ASXL3: variants seen among roughly 807,000 people sequenced by gnomAD.
ASXL3 encodes ASXL transcriptional regulator 3.
ASXL3 carries 34 observed loss-of-function variants against 170.6 expected under a neutral mutation model. That is an observed-to-expected ratio of 0.20 (90% CI 0.15 to 0.27). The LOEUF is 0.27. ASXL3 is among the 10% of genes least tolerant of loss of function. The probability of loss-of-function intolerance (pLI) is 1.00; values close to 1 mark genes in which losing one functional copy is unlikely to be tolerated. For synonymous variants in ASXL3, 1,002 were observed against 989.1 expected, an observed-to-expected ratio of 1.01 and a Z score of -0.24; for missense variants, 2,592 against 2,695.3, an observed-to-expected ratio of 0.96 and a Z score of 0.85.
chr18:33,729,724 C>A (rs2067411780), intron 8 of ASXL3, among the ~76,000 whole-genome samples: 1 of 152,088 alleles, frequency 6.6e-6, no homozygotes, highest in Non-Finnish European at 1.5e-5. Context: ...TGTAGCTCAT[C>A]ATCTCCCTCC....
chr18:33,639,041 A>G (rs1210149824), intron 2 of ASXL3, among the ~76,000 whole-genome samples: 1 of 152,156 alleles, frequency 6.6e-6, no homozygotes, highest in Non-Finnish European at 1.5e-5. Context: ...ACCTGAGCCA[A>G]TTCTTTAAAC....
At chr18:33,737,276 G>A (rs1206765415) in intron 10 of ASXL3, among the ~76,000 whole-genome samples, 8 of 152,096 alleles carry the variant, frequency 5.3e-5, no homozygotes, top group East Asian at 1.9e-4. Flanking sequence ...CTTTCACATT[G>A]AGGATTTTTA....
intron 10 of ASXL3, 85 bp downstream of exon 10, chr18:33,734,500 GTAA>G: frequency 1.3e-6 from 1 of 761,880 alleles, no homozygotes; most frequent in South Asian, 3.0e-5. Flanking sequence ...CTCATATGCT[GTAA>G]AACTTAATAA....
At chr18:33,651,081 A>G (rs1283292993) in intron 4 of ASXL3, among the ~76,000 whole-genome samples, 1 of 152,134 alleles carries the variant, frequency 6.6e-6, no homozygotes, top group East Asian at 1.9e-4. Context: ...GCCTGGAACC[A>G]CAGGGAACAC....
rs2145427772 is a variant in ASXL3, at chr18:33,744,159, G to T, written c.4311G>T (p.Leu1437Phe). ...CTCCCAAGTTAAGTGCTGAAAGCTTGGACAAAAATTCAGGGCCTCGAAACA... is the reference window on the plus strand; with the variant it reads ...CTCCCAAGTTAAGTGCTGAAAGCTTTGACAAAAATTCAGGGCCTCGAAACA... Reference protein sequence around the residue: ...DSPPKLSAESLDKNSGPRNRA... With the variant: ...DSPPKLSAESFDKNSGPRNRA... The change falls in exon 12 of 12, where the codon TTG (leucine) becomes TTT (phenylalanine). Residue 1437 changes from leucine (L) to phenylalanine (F), a missense_variant. Around this residue, in one of 4 missense-constraint regions of ASXL3, gnomAD observed 2,246 missense variants for 2,219.6 expected, o/e 1.01. Coordinates refer to ENST00000269197, the MANE Select transcript of ASXL3 (RefSeq NM_030632.3). 6.2e-7 allele frequency: 1 copy of T among 1,613,986 alleles called. No individual in the cohort carries two copies. The highest frequency in any genetic ancestry group is 2.2e-5 in the East Asian group (1 of 44,890).
chr18:33,729,016 C>T (rs775798750), intron 8 of ASXL3, among the ~76,000 whole-genome samples: 3 of 152,074 alleles, frequency 2.0e-5, no homozygotes, highest in Non-Finnish European at 2.9e-5. Flanking sequence ...TAACCTGGGG[C>T]CTATGGTACA....
At chr18:33,706,886 T>C (rs1488770209) in intron 8 of ASXL3, among the ~76,000 whole-genome samples, 1 of 151,886 alleles carries the variant, frequency 6.6e-6, no homozygotes, top group Non-Finnish European at 1.5e-5. Flanking sequence ...TGTAAAGAGA[T>C]GTACTTATGC....
intron 8 of ASXL3, among the ~76,000 whole-genome samples, chr18:33,684,148 A>G (rs2066555859): frequency 6.6e-6 from 1 of 152,188 alleles, no homozygotes. Flanking sequence ...AATGGCAGCC[A>G]TCAATCATCT....
chr18:33,598,571 A>G (rs984354399), intron 1 of ASXL3, among the ~76,000 whole-genome samples: 5 of 152,202 alleles, frequency 3.3e-5, no homozygotes, highest in African/African-American at 7.2e-5. Context: ...AATTGGGACA[A>G]TGTTCAAGAT....
chr18:33,624,175 G>T (rs1349256019), intron 2 of ASXL3, among the ~76,000 whole-genome samples: 3 of 151,912 alleles, frequency 2.0e-5, no homozygotes, highest in Non-Finnish European at 4.4e-5. Flanking sequence ...AAATTAAAAA[G>T]AAAAACTAAT....
intron 9 of ASXL3, among the ~76,000 whole-genome samples, chr18:33,733,134 C>G (rs957007376): frequency 6.6e-6 from 1 of 152,146 alleles, no homozygotes; most frequent in Admixed American, 6.6e-5. Context: ...CTGCCTCATT[C>G]ACCACCTTGG....
At chr18:33,653,179 G>T (rs78710876) in intron 4 of ASXL3, among the ~76,000 whole-genome samples, 1 of 151,976 alleles carries the variant, frequency 6.6e-6, no homozygotes, top group Non-Finnish European at 1.5e-5. Context: ...TTTTACATTG[G>T]ATGTTCTGTG....
intron 8 of ASXL3, among the ~76,000 whole-genome samples, chr18:33,726,821 G>T (rs1477596766): frequency 1.3e-5 from 2 of 152,130 alleles, no homozygotes; most frequent in African/African-American, 4.8e-5. Context: ...CAAGGGAGAA[G>T]GCAGTCTGTA....
rs1310632595 is a variant in ASXL3 at position 33,671,764 on chromosome 18, G to T, written c.613G>T (p.Gly205Cys). The change falls in exon 7 of 12, where the codon GGT becomes TGT. Residue 205 changes from glycine to cysteine, a missense_variant. Around this residue, in one of 4 missense-constraint regions of ASXL3, gnomAD observed 251 missense variants for 281.9 expected, o/e 0.89. Transcript: ENST00000269197. ...DSPSGSESKN[G>C]EADSSDKEMK... Reference sequence around the variant, plus strand: ...TTTTTTAGGATCTGAATCTAAAAATGGTGAAGCAGACAGTTCAGATAAAGA... The same window carrying T: ...TTTTTTAGGATCTGAATCTAAAAATTGTGAAGCAGACAGTTCAGATAAAGA... 1.2e-6 allele frequency: 2 copies of T among 1,607,086 alleles called. No individual in the cohort carries two copies. The highest frequency in any genetic ancestry group is 4.5e-5 in the East Asian group (2 of 44,654).
At chr18:33,727,276 A>G (rs892524197) in intron 8 of ASXL3, among the ~76,000 whole-genome samples, 1 of 152,100 alleles carries the variant, frequency 6.6e-6, no homozygotes, top group Non-Finnish European at 1.5e-5. Flanking sequence ...AAGAAACACA[A>G]AATAAGAAAA....
In ASXL3 at chr18:33,746,089, T is replaced by C; in HGVS notation, c.6241T>C (p.Ser2081Pro). 6.2e-7 allele frequency: 1 copy of C among 1,613,382 alleles called. No homozygotes were observed. Residue 2081 changes from serine to proline, a missense_variant, in exon 12 of 12, where the codon TCG becomes CCG. By Grantham distance (74) the Ser-to-Pro change is moderately conservative. This residue lies in a region of ASXL3 where 2,246 missense variants were observed against 2,219.6 expected (regional missense o/e 1.01). Transcript: ENST00000269197. ...QSTGICSNIK[S>P]EPLSFEEGLS... ...CACGGGCATATGTAGCAATATAAAA[T>C]CGGAACCTCTTTCTTTTGAGGAAGG... is the stretch of plus-strand genomic sequence containing the variant.
chr18:33,582,845 G>A (rs1365143195), intron 1 of ASXL3, among the ~76,000 whole-genome samples: 1 of 151,910 alleles, frequency 6.6e-6, no homozygotes, highest in African/African-American at 2.4e-5. Context: ...ACACAGCAGG[G>A]TTACTGAAGG....
rs550668553 is a variant in ASXL3 at position 33,602,697 on chromosome 18, C to G, written c.55-4897C>G. Among the ~76,000 whole-genome samples, 4 of 152,226 alleles carry G rather than the reference C, an allele frequency of 2.6e-5. No homozygotes were observed. The South Asian group carries it at 8.3e-4, about 32-fold the overall frequency. On this transcript the variant is annotated intron_variant, in intron 1 of 11. Coordinates refer to ENST00000269197, the MANE Select transcript of ASXL3 (RefSeq NM_030632.3). ...CATCAGTATCGTAATGCATACAGGT[C>G]CTGTTCATCTAGTCACTAGCCTAAT...
At chr18:33,622,019 C>T (rs1229838040) in intron 2 of ASXL3, among the ~76,000 whole-genome samples, 2 of 152,004 alleles carry the variant, frequency 1.3e-5, no homozygotes, top group African/African-American at 4.8e-5. Flanking sequence ...GTCTGAAAAG[C>T]CCAATCAGTA....
Sources: gnomAD v4.1 joint callset for allele counts (sites outside exome capture counted in the v4.1 genomes callset) on GRCh38, gnomAD v4.1.1 for gene constraint, gnomAD v4.1.1 regional missense constraint, MANE v1.5 for transcripts, NCBI Gene and HGNC (gene_info 2026-07-23, HGNC 2026-07-21) for gene names.